Variants in GRHL2 observed in about 807,000 individuals in gnomAD.
GRHL2 encodes grainyhead-like protein 2 homolog.
Under a neutral mutation model 83.8 loss-of-function variants are expected in GRHL2, and 21 were observed. The observed-to-expected ratio is 0.25, with a 90% CI of 0.18 to 0.36. The LOEUF is 0.36. Among genes scored for constraint, GRHL2 ranks in the 10% least tolerant of loss-of-function variants. The pLI, the probability that GRHL2 is intolerant of heterozygous loss-of-function variation, is 1.00. For synonymous variants in GRHL2, 280 were observed against 278.9 expected (o/e 1.00, Z -0.04); for missense variants, 623 against 781.8 (o/e 0.80, Z 2.42).
intron 4 of GRHL2, among the ~76,000 whole-genome samples, chr8:101,568,980 T>C (rs1811769767): frequency 6.6e-6 from 1 of 152,176 alleles, no homozygotes; most frequent in Non-Finnish European, 1.5e-5. Flanking sequence ...TGTGAGGAAG[T>C]TTGGAAAATA....
chr8:101,579,993 C>CT (rs988656059), intron 7 of GRHL2, among the ~76,000 whole-genome samples: 1 of 152,072 alleles, frequency 6.6e-6, no homozygotes, highest in Non-Finnish European at 1.5e-5. Flanking sequence ...TAATGCATTT[C>CT]TTTTTTGAAA....
At chr8:101,603,122 A>C (rs1812552759) in intron 8 of GRHL2, among the ~76,000 whole-genome samples, 1 of 152,234 alleles carries the variant, frequency 6.6e-6, no homozygotes, top group Non-Finnish European at 1.5e-5. Flanking sequence ...AATACATATC[A>C]ACAAGCTGGA....
chr8:101,525,437 G>A (rs1422483017), intron 1 of GRHL2, among the ~76,000 whole-genome samples: 1 of 151,900 alleles, frequency 6.6e-6, no homozygotes, highest in African/African-American at 2.4e-5. Context: ...CTTATTTATG[G>A]CTCAATTAAA....
chr8:101,646,286 A>G (rs147215149), intron 13 of GRHL2, among the ~76,000 whole-genome samples: 30 of 152,286 alleles, frequency 2.0e-4, no homozygotes, highest in African/African-American at 6.7e-4. Flanking sequence ...ATCAAGAATC[A>G]CGGAATCACA....
In GRHL2 at chr8:101,664,501, C is replaced by T. The variant is rs1234433012; in HGVS notation, c.1746C>T (p.Tyr582=). The change falls in exon 15 of 16, where the codon TAC becomes TAT. Residue 582 remains tyrosine, a synonymous_variant. Coordinates refer to ENST00000646743, the MANE Select transcript of GRHL2 (RefSeq NM_024915.4). ...CCGTGGAGAAGATAGCAAAGCTTTA[C>T]AAGAAAAGCAAAAAAGGGTAAGAAA... ...GLPVEKIAKL[Y]KKSKKGILVN... is the part of the protein sequence containing the mutation. 2 of 1,611,516 alleles carry T rather than the reference C, an allele frequency of 1.2e-6. No homozygotes were observed. Among genetic ancestry groups the T allele is most frequent in the Admixed American group, 1.7e-5 (1 of 59,768 alleles).
intron 8 of GRHL2, among the ~76,000 whole-genome samples, chr8:101,607,716 T>A (rs910304604): frequency 5.9e-5 from 9 of 152,168 alleles, no homozygotes; most frequent in African/African-American, 2.2e-4. Flanking sequence ...CATTTTTTTA[T>A]GTGTTTGCTG....
chr8:101,553,112 A>G (rs952471517), intron 3 of GRHL2, among the ~76,000 whole-genome samples: 1 of 152,234 alleles, frequency 6.6e-6, no homozygotes, highest in African/African-American at 2.4e-5. Flanking sequence ...TATAACTGCA[A>G]TTAGGCCCCT....
intron 13 of GRHL2, among the ~76,000 whole-genome samples, chr8:101,649,181 G>A (rs1813571551): frequency 1.3e-5 from 2 of 152,200 alleles, no homozygotes; most frequent in African/African-American, 2.4e-5. Context: ...AGCATCCTAC[G>A]GCCGGGTTGT....
At chr8:101,590,557 C>CT (rs1361356241) in intron 7 of GRHL2, among the ~76,000 whole-genome samples, 1 of 152,124 alleles carries the variant, frequency 6.6e-6, no homozygotes, top group Non-Finnish European at 1.5e-5. Flanking sequence ...GCTATTGTCT[C>CT]TATTTTGTAG....
chr8:101,540,470 G>A (rs1391514041), intron 1 of GRHL2, among the ~76,000 whole-genome samples: 1 of 152,142 alleles, frequency 6.6e-6, no homozygotes, highest in Non-Finnish European at 1.5e-5. Context: ...ATTTGCAATT[G>A]AGTCAATGTT....
chr8:101,674,315 A>G (rs538297648), downstream of GRHL2, among the ~76,000 whole-genome samples: 1 of 152,244 alleles, frequency 6.6e-6, no homozygotes, highest in African/African-American at 2.4e-5. Flanking sequence ...CGCTAGCAAG[A>G]CTAATAAAGA....
chr8:101,525,627 A>T (rs1449507912), intron 1 of GRHL2, among the ~76,000 whole-genome samples: 1 of 150,920 alleles, frequency 6.6e-6, no homozygotes, highest in African/African-American at 2.4e-5. Flanking sequence ...AGTAGCTGGG[A>T]TTCCAGGTGT....
chr8:101,653,748 CAA>C (rs1563628256), intron 14 of GRHL2, among the ~76,000 whole-genome samples: 1 of 60,466 alleles, frequency 1.7e-5, no homozygotes, highest in Non-Finnish European at 2.8e-5. Flanking sequence ...AAAAAAAAAA[CAA>C]AAACAAAAAC....
chr8:101,585,969 A>AG (rs1442168691), intron 7 of GRHL2, among the ~76,000 whole-genome samples: 1 of 151,710 alleles, frequency 6.6e-6, no homozygotes, highest in Non-Finnish European at 1.5e-5. Context: ...CCTCCAGGGA[A>AG]GGGTCAGGAT....
At chr8:101,588,560 G>C (rs1380233409) in intron 7 of GRHL2, among the ~76,000 whole-genome samples, 1 of 152,162 alleles carries the variant, frequency 6.6e-6, no homozygotes, top group Non-Finnish European at 1.5e-5. Flanking sequence ...CTGTGTATGT[G>C]ATTTGGGCAG....
intron 7 of GRHL2, 72 bp downstream of exon 7, chr8:101,577,591 G>C: frequency 5.9e-6 from 6 of 1,012,552 alleles, no homozygotes; most frequent in Non-Finnish European, 9.2e-6. Context: ...AGGGGAGCCT[G>C]GCGTAGTAAT....
intron 1 of GRHL2, among the ~76,000 whole-genome samples, chr8:101,511,663 G>GTT (rs557086711): frequency 3.4e-5 from 5 of 146,734 alleles, no homozygotes; most frequent in Admixed American, 6.8e-5. Flanking sequence ...CTTGTTTTTA[G>GTT]TTTTTTTTTT....
intron 1 of GRHL2, among the ~76,000 whole-genome samples, chr8:101,498,981 G>A (rs1810166259): frequency 6.6e-6 from 1 of 151,906 alleles, no homozygotes; most frequent in Non-Finnish European, 1.5e-5. Context: ...AGGCTGAGGT[G>A]GGAGAATGGC....
intron 1 of GRHL2, among the ~76,000 whole-genome samples, chr8:101,503,811 A>C (rs981841101): frequency 6.6e-6 from 1 of 152,210 alleles, no homozygotes; most frequent in Non-Finnish European, 1.5e-5. Context: ...ATTATATCAG[A>C]ATGTTTATAG....
Sources: allele counts gnomAD v4.1 joint callset (sites outside exome capture counted in the v4.1 genomes callset), GRCh38; gene constraint gnomAD v4.1.1; transcripts MANE v1.5; gene names NCBI Gene and HGNC (gene_info 2026-07-23, HGNC 2026-07-21).